Variants in NRG4 observed in about 807,000 individuals in gnomAD.
The protein encoded by NRG4 is neuregulin 4, also known as pro-neuregulin-4, membrane-bound isoform.
A neutral mutation model predicts 15.0 loss-of-function variants in NRG4; 10 were observed. The ratio of observed to expected loss-of-function variants is 0.67; its 90% CI spans 0.41 to 1.13. NRG4 has a LOEUF of 1.13. NRG4 is among the 50% of genes most tolerant of loss of function. The pLI, the probability that NRG4 is intolerant of heterozygous loss-of-function variation, is 0.00. For missense variants in NRG4, 139 were observed against 140.2 expected (o/e 0.99, Z 0.04); for synonymous variants, 41 against 50.1 (o/e 0.82, Z 0.77).
At chr15:75,974,386 G>A (rs932688033) in intron 3 of NRG4, among the ~76,000 whole-genome samples, 1 of 152,008 alleles carries the variant, frequency 6.6e-6, no homozygotes, top group Non-Finnish European at 1.5e-5. Context: ...TCTGATCTTA[G>A]TTATTTCTTG....
chr15:76,053,600 C>T (rs532720641), intron 2 of NRG4, among the ~76,000 whole-genome samples: 2 of 150,596 alleles, frequency 1.3e-5, no homozygotes, highest in African/African-American at 5.0e-5. Flanking sequence ...GGAGCAGTGG[C>T]ACCTGGAGCA....
chr15:75,956,293 T>C (rs972444406), intron 4 of NRG4, among the ~76,000 whole-genome samples: 1 of 152,178 alleles, frequency 6.6e-6, no homozygotes, highest in Non-Finnish European at 1.5e-5. Context: ...CCTGGTCTTT[T>C]TCCTTTAAGA....
At chr15:76,057,493 T>A (rs889428103) in intron 1 of NRG4, among the ~76,000 whole-genome samples, 8 of 152,220 alleles carry the variant, frequency 5.3e-5, no homozygotes, top group African/African-American at 1.9e-4. Context: ...CTCAGGGTAT[T>A]TGAAAACAAG....
At chr15:76,043,677 T>G (rs1307507228) in intron 4 of NRG4, among the ~76,000 whole-genome samples, 1 of 152,220 alleles carries the variant, frequency 6.6e-6, no homozygotes, top group African/African-American at 2.4e-5. Context: ...GTTCATAGAT[T>G]GGAAGATTCA....
chr15:75,991,434 T>A (rs1298682446), intron 3 of NRG4, among the ~76,000 whole-genome samples: 1 of 152,198 alleles, frequency 6.6e-6, no homozygotes, highest in Non-Finnish European at 1.5e-5. Context: ...TGGGTCATAG[T>A]TTGCTGATCT....
chr15:76,012,777 TTG>T (rs151045022), upstream of NRG4, among the ~76,000 whole-genome samples: 5,611 of 152,244 alleles, frequency 0.037, 181 homozygotes, highest in African/African-American at 0.085. Context: ...TTTATGAGGT[TTG>T]TGTTACCTTA....
At chr15:75,971,776 A>C (rs2033104803) in intron 3 of NRG4, among the ~76,000 whole-genome samples, 1 of 152,192 alleles carries the variant, frequency 6.6e-6, no homozygotes, top group African/African-American at 2.4e-5. Context: ...ACATTTAAAA[A>C]AAATCTAAGT....
chr15:75,998,571 G>A (rs1273224682), intron 3 of NRG4, among the ~76,000 whole-genome samples: 1 of 152,120 alleles, frequency 6.6e-6, no homozygotes, highest in African/African-American at 2.4e-5. Flanking sequence ...TATGAGGTGA[G>A]AACAATAATA....
downstream of NRG4, chr15:75,940,842 G>T (rs2030882019): frequency 6.6e-6 from 1 of 152,036 alleles, no homozygotes; most frequent in African/African-American, 2.4e-5. Flanking sequence ...ATGGACCAAA[G>T]ACCTAAATGT....
At chr15:75,987,402 T>A (rs2033835450) in intron 3 of NRG4, among the ~76,000 whole-genome samples, 1 of 152,244 alleles carries the variant, frequency 6.6e-6, no homozygotes, top group Non-Finnish European at 1.5e-5. Flanking sequence ...CATTTTAATT[T>A]TACCATTATA....
At chr15:76,019,331 G>T (rs774188635) in intron 5 of NRG4, among the ~76,000 whole-genome samples, 5 of 152,106 alleles carry the variant, frequency 3.3e-5, no homozygotes, top group African/African-American at 1.2e-4. Flanking sequence ...CCCTTTCCAG[G>T]GGGGTGAACG....
chr15:76,013,560 T>C (rs1276335863), upstream of NRG4, among the ~76,000 whole-genome samples: 3 of 152,126 alleles, frequency 2.0e-5, no homozygotes, highest in East Asian at 1.9e-4. Context: ...TGTATTCTCA[T>C]TGTTCAATTT....
chr15:76,021,514 C>G (rs557634698), intron 5 of NRG4, among the ~76,000 whole-genome samples: 2 of 152,296 alleles, frequency 1.3e-5, no homozygotes, highest in Admixed American at 6.5e-5. Flanking sequence ...CCTGCAATAT[C>G]TCAGAGGTGT....
rs143550316 is a variant in NRG4 at position 75,953,382 on chromosome 15, A to G, written c.331+2550T>C. 2.0e-5 allele frequency among the ~76,000 whole-genome samples: 3 copies of G among 152,276 alleles called. No homozygotes were observed. The East Asian group carries it at 5.8e-4, about 29-fold the overall frequency. On this transcript the variant is annotated intron_variant, in intron 5 of 5. Transcript: ENST00000394907. ...TTGTATTCCATTCATCTATATGTCT[A>G]TCCTTATGCCAGCACTACTTTGCCT...
At chr15:76,024,342 C>T (rs766169007) in intron 5 of NRG4, among the ~76,000 whole-genome samples, 8 of 152,178 alleles carry the variant, frequency 5.3e-5, no homozygotes, top group Non-Finnish European at 7.3e-5. Context: ...ACCCAGGCCA[C>T]CCAAGAAGCC....
intron 3 of NRG4, among the ~76,000 whole-genome samples, chr15:75,962,459 T>C (rs1041299074): frequency 6.6e-6 from 1 of 152,026 alleles, no homozygotes; most frequent in Non-Finnish European, 1.5e-5. Flanking sequence ...ACAGCATTTA[T>C]TTCTATTCTT....
chr15:75,958,502 G>A (rs2032356627), intron 4 of NRG4, among the ~76,000 whole-genome samples: 1 of 152,110 alleles, frequency 6.6e-6, no homozygotes, highest in African/African-American at 2.4e-5. Flanking sequence ...TCAAGGTAAA[G>A]GATAAAAGTA....
rs140417704 is a variant in NRG4, at chr15:76,034,128, T to G, written c.-57+1816A>C. 2.2e-3 allele frequency among the ~76,000 whole-genome samples: 330 copies of G among 152,320 alleles called. 3 individuals are homozygous for G. The highest frequency in any genetic ancestry group is 7.6e-3 in the African/African-American group (314 of 41,576). On this transcript the variant is annotated intron_variant, in intron 5 of 8. Transcript: ENST00000563910. ...TTTAAACAGAATCCCTGGGTGATTTTCTATCTGCTATATCAAGTGCAAATA... is the reference window on the plus strand; with the variant it reads ...TTTAAACAGAATCCCTGGGTGATTTGCTATCTGCTATATCAAGTGCAAATA...
At chr15:76,034,499 A>G (rs8031263) in intron 5 of NRG4, among the ~76,000 whole-genome samples, 10 of 152,238 alleles carry the variant, frequency 6.6e-5, no homozygotes, top group African/African-American at 2.4e-4. Context: ...AGGGGCTCCA[A>G]AGCTTTTGCA....
Sources: gnomAD v4.1 joint callset for allele counts (sites outside exome capture counted in the v4.1 genomes callset) on GRCh38, gnomAD v4.1.1 for gene constraint, MANE v1.5 for transcripts, NCBI Gene and HGNC (gene_info 2026-07-23, HGNC 2026-07-21) for gene names.